The following KIAA1217 variants were observed in gnomAD, a reference collection of about 807,000 sequenced individuals.
KIAA1217 encodes sickle tail protein homolog.
In KIAA1217, 88 loss-of-function variants were observed where a neutral mutation model predicts 163.9. That is an observed-to-expected ratio of 0.54 (90% confidence interval 0.45 to 0.64). The LOEUF (loss-of-function observed/expected upper bound fraction) is 0.64. Ranked by LOEUF, KIAA1217 falls within the 30% of genes least tolerant of loss-of-function variation. The probability of loss-of-function intolerance (pLI) is 0.00; values close to 1 mark genes in which losing one functional copy is unlikely to be tolerated. For synonymous variants in KIAA1217, 903 were observed against 923.1 expected (o/e 0.98, Z 0.39); for missense variants, 2,372 against 2,475.0 (o/e 0.96, Z 0.88).
At position 23,827,601 on chromosome 10, in the gene KIAA1217, C is replaced by T. The variant is rs376864390; in HGVS notation, c.-321+132367C>T. On this transcript the variant is annotated intron_variant, in intron 1 of 18. Coordinates refer to the KIAA1217 transcript ENST00000376462. Reference sequence around the variant, plus strand: ...CAGAGCAGTAAGGACGATTGTGTCTCTGCCTGGATGCCTTGTGTTTCTCAC... The same window carrying T: ...CAGAGCAGTAAGGACGATTGTGTCTTTGCCTGGATGCCTTGTGTTTCTCAC... 2.4e-4 allele frequency among the ~76,000 whole-genome samples: 36 copies of T among 152,342 alleles called. No individual in the cohort carries two copies. The East Asian group carries it at 5.4e-3, about 23-fold the overall frequency.
chr10:23,706,312 C>T (rs192661849), intron 1 of KIAA1217, among the ~76,000 whole-genome samples: 1 of 152,206 alleles, frequency 6.6e-6, no homozygotes, highest in East Asian at 1.9e-4. Flanking sequence ...CAATGTTAAA[C>T]AGAAGTAGCA....
At chr10:24,415,218 G>A (rs1375890605) in intron 3 of KIAA1217, among the ~76,000 whole-genome samples, 5 of 150,568 alleles carry the variant, frequency 3.3e-5, no homozygotes, top group African/African-American at 4.9e-5. Flanking sequence ...AGGTTCAAGC[G>A]ATTCTCCTGC....
intron 2 of KIAA1217, among the ~76,000 whole-genome samples, chr10:24,149,422 G>C (rs977341762): frequency 1.3e-5 from 2 of 151,664 alleles, no homozygotes; most frequent in Non-Finnish European, 2.9e-5. Context: ...GACCTCGAGG[G>C]ATCTGCCCAC....
chr10:24,267,474 C>T (rs532858064), intron 2 of KIAA1217, among the ~76,000 whole-genome samples: 2 of 152,138 alleles, frequency 1.3e-5, no homozygotes, highest in African/African-American at 2.4e-5. Context: ...AACTATATAT[C>T]TACATCTATA....
chr10:23,977,318 A>C (rs999552288), intron 1 of KIAA1217, among the ~76,000 whole-genome samples: 2 of 152,106 alleles, frequency 1.3e-5, no homozygotes, highest in Non-Finnish European at 2.9e-5. Flanking sequence ...AAACACTTTC[A>C]TTTTCCTGCT....
At chr10:23,810,335 C>A (rs576850386) in intron 1 of KIAA1217, among the ~76,000 whole-genome samples, 1,765 of 145,434 alleles carry the variant, frequency 0.012, 39 homozygotes, top group African/African-American at 0.042. Flanking sequence ...TATACACACA[C>A]TATATATACT....
intron 1 of KIAA1217, among the ~76,000 whole-genome samples, chr10:23,940,250 A>G (rs1043328629): frequency 1.3e-5 from 2 of 152,080 alleles, no homozygotes; most frequent in African/African-American, 4.8e-5. Flanking sequence ...ACCTGACATC[A>G]GGAGTTCGAG....
At chr10:24,199,486 T>C (rs2067145556) in intron 2 of KIAA1217, among the ~76,000 whole-genome samples, 1 of 152,184 alleles carries the variant, frequency 6.6e-6, no homozygotes, top group Non-Finnish European at 1.5e-5. Flanking sequence ...AGTTTCAACA[T>C]GAGCTGTGGC....
intron 4 of KIAA1217, among the ~76,000 whole-genome samples, chr10:24,434,100 G>A (rs1199577180): frequency 2.3e-5 from 3 of 132,550 alleles, no homozygotes; most frequent in Non-Finnish European, 4.6e-5. Context: ...ACAATGGTGC[G>A]ATCTCCGTTT....
intron 1 of KIAA1217, among the ~76,000 whole-genome samples, chr10:23,927,066 C>T (rs1843051289): frequency 6.6e-6 from 1 of 151,936 alleles, no homozygotes; most frequent in African/African-American, 2.4e-5. Flanking sequence ...TACCACCATG[C>T]CTGGCTAATT....
intron 1 of KIAA1217, among the ~76,000 whole-genome samples, chr10:23,761,302 G>T (rs1834251798): frequency 6.6e-6 from 1 of 152,110 alleles, no homozygotes; most frequent in African/African-American, 2.4e-5. Context: ...GCTAGCTTTT[G>T]GATTAGTTTG....
intron 1 of KIAA1217, among the ~76,000 whole-genome samples, chr10:23,786,773 C>T (rs1835514632): frequency 6.6e-6 from 1 of 152,086 alleles, no homozygotes; most frequent in South Asian, 2.1e-4. Context: ...CCAGAGAGCA[C>T]ACAGGAATGA....
At chr10:23,864,411 C>T (rs1840088299) in intron 1 of KIAA1217, among the ~76,000 whole-genome samples, 1 of 151,702 alleles carries the variant, frequency 6.6e-6, no homozygotes, top group Admixed American at 6.6e-5. Context: ...AGTTTATGTC[C>T]TTGTTTTTAT....
At chr10:24,010,478 C>CTTT (rs34076735) in intron 2 of KIAA1217, among the ~76,000 whole-genome samples, 4 of 145,306 alleles carry the variant, frequency 2.8e-5, no homozygotes, top group Non-Finnish European at 4.5e-5. Flanking sequence ...CTGATCGATC[C>CTTT]TTTTTTTTTT....
intron 5 of KIAA1217, among the ~76,000 whole-genome samples, chr10:24,457,846 G>A (rs955029052): frequency 3.9e-5 from 6 of 152,264 alleles, no homozygotes; most frequent in Non-Finnish European, 5.9e-5. Context: ...CCTTACTCTC[G>A]GTAGGCATTT....
intron 1 of KIAA1217, among the ~76,000 whole-genome samples, chr10:23,995,219 A>C (rs2131449378): frequency 6.6e-6 from 1 of 152,280 alleles, no homozygotes; most frequent in Non-Finnish European, 1.5e-5. Context: ...AAGATCCTAC[A>C]AAATAACAGA....
chr10:24,443,943 C>T (rs947794199), intron 5 of KIAA1217, among the ~76,000 whole-genome samples: 1 of 151,928 alleles, frequency 6.6e-6, no homozygotes, highest in African/African-American at 2.4e-5. Context: ...GATGGGGGTA[C>T]CTTTTATTGT....
intron 2 of KIAA1217, among the ~76,000 whole-genome samples, chr10:24,304,400 C>G (rs2041765193): frequency 6.6e-6 from 1 of 151,764 alleles, no homozygotes; most frequent in African/African-American, 2.4e-5. Flanking sequence ...CATTATTATC[C>G]AGGCTGGACT....
At chr10:24,004,859 G>C (rs1307712558) in intron 1 of KIAA1217, among the ~76,000 whole-genome samples, 2 of 152,180 alleles carry the variant, frequency 1.3e-5, no homozygotes, top group Non-Finnish European at 2.9e-5. Flanking sequence ...GATAGAATTG[G>C]GCCAATCTAG....
Sources: allele counts gnomAD v4.1 joint callset (sites outside exome capture counted in the v4.1 genomes callset), GRCh38; gene constraint gnomAD v4.1.1; transcripts MANE v1.5; gene names NCBI Gene and HGNC (gene_info 2026-07-23, HGNC 2026-07-21).